Variants in GALNT9 observed in about 807,000 individuals in gnomAD.
GALNT9 encodes polypeptide N-acetylgalactosaminyltransferase 9.
GALNT9 carries 47 observed loss-of-function variants against 63.1 expected under a neutral mutation model. That is an observed-to-expected ratio of 0.75 (90% CI 0.59 to 0.95). The LOEUF (loss-of-function observed/expected upper bound fraction) is 0.95, where lower values mean the gene tolerates loss of function less well. Ranked by LOEUF, GALNT9 falls within the 40% of genes least tolerant of loss-of-function variation. GALNT9 has a pLI of 0.00. For synonymous variants in GALNT9, 396 were observed against 365.7 expected (o/e 1.08, Z -0.94); for missense variants, 829 against 874.8 (o/e 0.95, Z 0.66).
Position 132,257,760 on chromosome 12 carries a change from C to G in GALNT9, c.888G>C (p.Trp296Cys). 1 of 1,550,554 alleles carries G rather than the reference C, an allele frequency of 6.4e-7. No individual in the cohort carries two copies. Among genetic ancestry groups the G allele is most frequent in the South Asian group, 1.2e-5 (1 of 84,060 alleles). ...QYANAAHGYN[W>C]GLWCMYIIPP... ...GGATGATGTACATGCACCAGAGGCC[C>G]CAGTTGTAGCCATGGGCGGCGTTCG... Residue 296 changes from tryptophan to cysteine, a missense_variant, in exon 5 of 11, where the codon TGG becomes TGC. Physicochemically the swap from Trp to Cys is radical, Grantham distance 215. Coordinates refer to ENST00000328957, the MANE Select transcript of GALNT9 (RefSeq NM_001122636.2).
At position 132,197,795 on chromosome 12, in the gene GALNT9, G is replaced by A. The variant is rs1274880760; in HGVS notation, c.1662C>T (p.Thr554=). ...CCCCCCTTCCCCAGAGGCTGACCTG[G>A]GTGAAGTCCCACAGCCGCTGTGTTG... ...ARPTQRLWDF[T]QSGPIVSRAT... The change falls in exon 10 of 11, where the codon ACC becomes ACT. Residue 554 remains threonine (T), a synonymous_variant. Transcript: ENST00000328957. 2 of 1,570,576 alleles carry A rather than the reference G, an allele frequency of 1.3e-6. No homozygotes were observed. The highest frequency in any genetic ancestry group is 1.8e-5 in the Admixed American group (1 of 54,642).
rs138131736 is a variant in GALNT9, at chr12:132,277,359, G to A, written c.419+8891C>T. The A allele has an allele frequency of 4.7e-3, 727 of 154,992 alleles. 2 individuals are homozygous for A. Among genetic ancestry groups the A allele is most frequent in the Non-Finnish European group, 8.0e-3 (545 of 68,242 alleles). The allele number at this position is 154,992 out of a possible 1,614,324, so 9.6% of individuals were successfully genotyped here. ...TAACATCACATGCCCAAGTGTCACC[G>A]CGATGCCACGTCCAGTCTGAGCCAT... is the stretch of plus-strand genomic sequence containing the variant. On this transcript the variant is annotated intron_variant, in intron 2 of 10. Coordinates refer to ENST00000328957, the MANE Select transcript of GALNT9 (RefSeq NM_001122636.2).
intron 6 of GALNT9, among the ~76,000 whole-genome samples, chr12:132,223,203 C>T: frequency 1.6e-5 from 2 of 122,596 alleles, no homozygotes; most frequent in Admixed American, 1.6e-4. Flanking sequence ...CCCACATACA[C>T]CCTACACAAC....
chr12:132,220,401 G>T (rs1343145215), intron 6 of GALNT9, among the ~76,000 whole-genome samples: 1 of 152,158 alleles, frequency 6.6e-6, no homozygotes, highest in East Asian at 1.9e-4. Flanking sequence ...ATTTCCAAAG[G>T]CATGAAGGAA....
chr12:132,214,055 C>T (rs190417385), intron 6 of GALNT9, among the ~76,000 whole-genome samples: 78 of 152,306 alleles, frequency 5.1e-4, no homozygotes, highest in African/African-American at 1.8e-3. Context: ...CTGGGCCCCT[C>T]AGTCCTCCCA....
At chr12:132,317,527 C>T (rs541478537) in intron 1 of GALNT9, among the ~76,000 whole-genome samples, 1 of 152,340 alleles carries the variant, frequency 6.6e-6, no homozygotes, top group South Asian at 2.1e-4. Flanking sequence ...GGATCACCTG[C>T]GAACAGCACA....
At chr12:132,202,952 A>C (rs367870024) in intron 7 of GALNT9, among the ~76,000 whole-genome samples, 72 of 152,270 alleles carry the variant, frequency 4.7e-4, no homozygotes, top group African/African-American at 1.5e-3. Flanking sequence ...GGAAACAACC[A>C]AAAACGTCCA....
rs1355614949 is a variant in GALNT9 at position 132,286,879 on chromosome 12, T to G, written c.239-449A>C. Among the ~76,000 whole-genome samples the G allele has an allele frequency of 6.6e-6, 1 of 152,204 alleles. No individual in the cohort carries two copies. Among genetic ancestry groups the G allele is most frequent in the African/African-American group, 2.4e-5 (1 of 41,448 alleles). On this transcript the variant is annotated intron_variant, in intron 1 of 10. Transcript: ENST00000328957. This position sits in a 1 kb window ranked among gnomAD's most constrained non-coding sequence, Gnocchi z 7.4. ...CCTCCACAACTGGCAAATTTTTGTATTTTTAGTGGAGACAGGGTTTCACCG... is the reference window on the plus strand; with the variant it reads ...CCTCCACAACTGGCAAATTTTTGTAGTTTTAGTGGAGACAGGGTTTCACCG...
At chr12:132,290,729 T>G (rs797027105) in intron 1 of GALNT9, among the ~76,000 whole-genome samples, 3 of 13,800 alleles carry the variant, frequency 2.2e-4, no homozygotes, top group South Asian at 2.4e-3. Context: ...CCCACGTCCA[T>G]AGCACCCACA....
chr12:132,263,880 C>T (rs564983574), intron 2 of GALNT9, among the ~76,000 whole-genome samples: 142 of 152,318 alleles, frequency 9.3e-4, no homozygotes, highest in Admixed American at 2.2e-3. Context: ...GGACTCCACC[C>T]TTCTTTCTCC....
intron 1 of GALNT9, among the ~76,000 whole-genome samples, chr12:132,293,420 T>A (rs535530750): frequency 1.3e-5 from 2 of 152,330 alleles, no homozygotes; most frequent in South Asian, 4.1e-4. Flanking sequence ...TAAAGATGCC[T>A]TATTTAATAC....
At chr12:132,281,367 C>T (rs1441874369) in intron 2 of GALNT9, among the ~76,000 whole-genome samples, 1 of 152,162 alleles carries the variant, frequency 6.6e-6, no homozygotes, top group Non-Finnish European at 1.5e-5. Context: ...AGGCCTCCTT[C>T]GCATTCGAGC....
intron 5 of GALNT9, among the ~76,000 whole-genome samples, chr12:132,256,263 G>A (rs1274014420): frequency 2.0e-5 from 3 of 151,836 alleles, no homozygotes; most frequent in Non-Finnish European, 4.4e-5. Context: ...TTTGCCTTCC[G>A]TGGAATTCTG....
At chr12:132,322,528 A>C (rs1445571040) in intron 1 of GALNT9, among the ~76,000 whole-genome samples, 1 of 152,246 alleles carries the variant, frequency 6.6e-6, no homozygotes, top group Non-Finnish European at 1.5e-5. Context: ...GTTGCCCCAC[A>C]GAAGGCTCCG....
chr12:132,325,019 G>A (rs1251865271), intron 1 of GALNT9, among the ~76,000 whole-genome samples: 3 of 152,188 alleles, frequency 2.0e-5, no homozygotes, highest in Non-Finnish European at 4.4e-5. Flanking sequence ...AGACATGGCT[G>A]TGGGCCATGC....
At position 132,246,491 on chromosome 12, in the gene GALNT9, A is replaced by G. The variant is rs185700283; in HGVS notation, c.1077+1419T>C. ...AAAAGGCTCAAGGGACTTTAAAGGC[A>G]CAAAAGCAGTGAATTCTGTTTCACG... On this transcript the variant is annotated intron_variant, in intron 6 of 10. Coordinates refer to ENST00000328957, the MANE Select transcript of GALNT9 (RefSeq NM_001122636.2). This position sits in a 1 kb window ranked among gnomAD's most constrained non-coding sequence, Gnocchi z 4.7. Among the ~76,000 whole-genome samples the G allele has an allele frequency of 4.6e-5, 7 of 152,340 alleles. No homozygotes were observed. The highest frequency in any genetic ancestry group is 7.3e-5 in the Non-Finnish European group (5 of 68,034).
At chr12:132,230,127 A>C (rs1877837092) in intron 6 of GALNT9, among the ~76,000 whole-genome samples, 1 of 152,060 alleles carries the variant, frequency 6.6e-6, no homozygotes, top group Non-Finnish European at 1.5e-5. Context: ...GGGCCACCAA[A>C]ATTCACATAC....
intron 6 of GALNT9, among the ~76,000 whole-genome samples, chr12:132,228,377 GATACCTCTTTGCCTCTGGCGAGGCA>G (rs1877776829): frequency 7.0e-6 from 1 of 142,046 alleles, no homozygotes; most frequent in South Asian, 2.4e-4. Context: ...GAGGAAGGGT[GATACCTCTTTGCCTCTGGCGAGGCA>G]GGGCGGCCCG....
rs936223547 is a variant in GALNT9 at position 132,224,945 on chromosome 12, C to T, written c.1078-21255G>A. Among the ~76,000 whole-genome samples the T allele has an allele frequency of 1.2e-4, 18 of 149,194 alleles. No individual in the cohort carries two copies. In the South Asian group the frequency reaches 1.9e-3, roughly 16 times the overall value. On this transcript the variant is annotated intron_variant, in intron 6 of 10. Transcript: ENST00000328957. Reference sequence around the variant, plus strand: ...CCACATGCATAAACACAACCCACACCCCACACACTGTACATACACACCCCA... The same window carrying T: ...CCACATGCATAAACACAACCCACACTCCACACACTGTACATACACACCCCA...
Sources: gnomAD v4.1 joint callset for allele counts (sites outside exome capture counted in the v4.1 genomes callset) on GRCh38, gnomAD v4.1.1 for gene constraint, Gnocchi (gnomAD v3.1) non-coding constraint, MANE v1.5 for transcripts, NCBI Gene and HGNC (gene_info 2026-07-23, HGNC 2026-07-21) for gene names.